The following DACH1 variants were observed in gnomAD, a reference collection of about 807,000 sequenced individuals.
DACH1 encodes the protein dachshund family transcription factor 1, also known as dachshund homolog 1.
In DACH1, 12 loss-of-function variants were observed where a neutral mutation model predicts 54.2. The ratio of observed to expected loss-of-function variants is 0.22; its 90% CI spans 0.14 to 0.36. DACH1 has a LOEUF of 0.36. Among genes scored for constraint, DACH1 ranks in the 10% least tolerant of loss-of-function variants. The pLI is 1.00. For synonymous variants in DACH1, 386 were observed against 366.2 expected (o/e 1.05, Z -0.62); for missense variants, 805 against 929.8 (o/e 0.87, Z 1.75).
At chr13:71,454,115 T>C (rs980794072) in intron 10 of DACH1, among the ~76,000 whole-genome samples, 1 of 152,186 alleles carries the variant, frequency 6.6e-6, no homozygotes, top group East Asian at 1.9e-4. Flanking sequence ...TGAGAATCAA[T>C]AGAATGTTTG....
chr13:71,787,724 G>A (rs981048080), intron 1 of DACH1, among the ~76,000 whole-genome samples: 4 of 152,054 alleles, frequency 2.6e-5, no homozygotes, highest in South Asian at 2.1e-4. Context: ...GTGGGTCTGC[G>A]CTACAGTCTT....
At chr13:71,788,679 G>C (rs1398370266) in intron 1 of DACH1, among the ~76,000 whole-genome samples, 1 of 152,008 alleles carries the variant, frequency 6.6e-6, no homozygotes, top group African/African-American at 2.4e-5. Context: ...CTTTTGGAGA[G>C]ATCAAGGACA....
Position 71,866,535 on chromosome 13 carries a change from C to CGCCTCCGCT in DACH1, c.234_235insAGCGGAGGC (p.Gly78_Gly79insSerGlyGly). ...CCGCCGCCGCCTCCGCTGCCGCCGCCGCCGCCGCCGCCGCCGGTAGAGGTG... is the reference window on the plus strand; with the variant it reads ...CCGCCGCCGCCTCCGCTGCCGCCGCCGCCTCCGCTGCCGCCGCCGCCGCCGGTAGAGGTG... On this transcript the variant is annotated inframe_insertion, in exon 1 of 11. Coordinates refer to ENST00000613252, the MANE Select transcript of DACH1 (RefSeq NM_080759.6). 1 of 1,142,520 alleles carries CGCCTCCGCT rather than the reference C, an allele frequency of 8.8e-7. No individual in the cohort carries two copies. Among genetic ancestry groups the CGCCTCCGCT allele is most frequent in the Non-Finnish European group, 1.1e-6 (1 of 907,320 alleles). The allele number at this position is 1,142,520 out of a possible 1,614,324, so 70.8% of individuals were successfully genotyped here. A position where few individuals can be genotyped will look rare whatever the true frequency, so the allele number is the denominator to read the frequency against.
intron 1 of DACH1, among the ~76,000 whole-genome samples, chr13:71,829,853 T>C (rs1888516338): frequency 6.6e-6 from 1 of 151,872 alleles, no homozygotes; most frequent in Admixed American, 6.6e-5. Context: ...TACTTTCTAT[T>C]TGAGACCATC....
At chr13:71,737,915 C>A (rs942789873) in intron 1 of DACH1, among the ~76,000 whole-genome samples, 4 of 152,082 alleles carry the variant, frequency 2.6e-5, no homozygotes, top group African/African-American at 2.4e-5. Flanking sequence ...CAAAAGAGAT[C>A]CTGCTGGAAA....
intron 1 of DACH1, among the ~76,000 whole-genome samples, chr13:71,694,099 C>T (rs1881683975): frequency 6.6e-6 from 1 of 152,152 alleles, no homozygotes; most frequent in Non-Finnish European, 1.5e-5. Context: ...ATGGCTGACG[C>T]AACCTAAAAT....
At chr13:71,473,603 T>C (rs1877270534) in intron 10 of DACH1, among the ~76,000 whole-genome samples, 1 of 152,332 alleles carries the variant, frequency 6.6e-6, no homozygotes, top group South Asian at 2.1e-4. Flanking sequence ...ATACATATTA[T>C]ATCATCAACC....
intron 1 of DACH1, among the ~76,000 whole-genome samples, chr13:71,822,906 G>GT (rs1888245979): frequency 6.6e-6 from 1 of 151,814 alleles, no homozygotes; most frequent in Admixed American, 6.6e-5. Context: ...TGAAAATAAC[G>GT]TATTATTAGT....
intron 2 of DACH1, among the ~76,000 whole-genome samples, chr13:71,639,178 C>A (rs1208636045): frequency 6.6e-6 from 1 of 152,044 alleles, no homozygotes; most frequent in Admixed American, 6.6e-5. Context: ...GAAACTGACA[C>A]TAACTTTCAG....
At chr13:71,598,207 A>G (rs1177086264) in intron 3 of DACH1, among the ~76,000 whole-genome samples, 1 of 152,192 alleles carries the variant, frequency 6.6e-6, no homozygotes, top group Non-Finnish European at 1.5e-5. Context: ...AAAACCCTAA[A>G]ACTGAAGACA....
intron 1 of DACH1, among the ~76,000 whole-genome samples, chr13:71,747,077 A>T (rs7993653): frequency 0.87 from 132,275 of 152,054 alleles, 58,218 homozygotes; most frequent in African/African-American, 0.93. Flanking sequence ...TATGTATTTA[A>T]ATATTGTGTT....
chr13:71,595,437 G>A (rs1397381990), intron 3 of DACH1, among the ~76,000 whole-genome samples: 3 of 152,116 alleles, frequency 2.0e-5, no homozygotes, highest in African/African-American at 7.2e-5. Context: ...TCAAAAAGAA[G>A]GGAGGAAGCT....
intron 3 of DACH1, 151 bp downstream of exon 3, chr13:71,630,405 G>A (rs1327398321): frequency 2.7e-5 from 33 of 1,205,958 alleles, no homozygotes; most frequent in Non-Finnish European, 1.8e-5. Flanking sequence ...AGTTGTTAGA[G>A]AGGCAAAATG....
chr13:71,827,491 C>T (rs1183787617), intron 1 of DACH1, among the ~76,000 whole-genome samples: 2 of 152,070 alleles, frequency 1.3e-5, no homozygotes, highest in Non-Finnish European at 2.9e-5. Context: ...CTTGAGAAAA[C>T]ATTCATTCAA....
chr13:71,742,541 A>G (rs1884436199), intron 1 of DACH1, among the ~76,000 whole-genome samples: 1 of 152,194 alleles, frequency 6.6e-6, no homozygotes, highest in Non-Finnish European at 1.5e-5. Context: ...TGGGGAAAAA[A>G]AAGGAAGAAA....
chr13:71,681,588 G>T (rs1390685036), intron 2 of DACH1, among the ~76,000 whole-genome samples: 1 of 152,154 alleles, frequency 6.6e-6, no homozygotes, highest in East Asian at 1.9e-4. Context: ...CTAGCACTGT[G>T]CTCAGTTCAG....
In DACH1 at chr13:71,577,950, C is replaced by T. The variant is rs991398456; in HGVS notation, c.1127-4938G>A. ...TCATTTCATTCCTAAATATATCCAACGAGAAACAGGTTCCCAAAGAGAAGT... is the reference window on the plus strand; with the variant it reads ...TCATTTCATTCCTAAATATATCCAATGAGAAACAGGTTCCCAAAGAGAAGT... On this transcript the variant is annotated intron_variant, in intron 3 of 10. Transcript: ENST00000613252. Among the ~76,000 whole-genome samples the T allele has an allele frequency of 3.3e-5, 5 of 152,068 alleles. 1 individual carries two copies. Among genetic ancestry groups the T allele is most frequent in the East Asian group, 3.9e-4 (2 of 5,188 alleles).
At chr13:71,729,277 T>C (rs1297751979) in intron 1 of DACH1, among the ~76,000 whole-genome samples, 1 of 152,072 alleles carries the variant, frequency 6.6e-6, no homozygotes, top group Non-Finnish European at 1.5e-5. Flanking sequence ...TTTAGATTAA[T>C]AATCAGATCT....
intron 1 of DACH1, among the ~76,000 whole-genome samples, chr13:71,760,267 T>C (rs1314039209): frequency 6.6e-6 from 1 of 152,198 alleles, no homozygotes. Context: ...ATTGAGCGTC[T>C]ATCATGCTGC....
Sources: allele counts gnomAD v4.1 joint callset (sites outside exome capture counted in the v4.1 genomes callset), GRCh38; gene constraint gnomAD v4.1.1; transcripts MANE v1.5; gene names NCBI Gene and HGNC (gene_info 2026-07-23, HGNC 2026-07-21).